Variants in DENND10 observed in about 807,000 individuals in gnomAD.
DENND10 encodes the protein DENN domain containing 10, also known as DENN domain-containing protein 10.
A neutral mutation model predicts 43.6 loss-of-function variants in DENND10; 24 were observed. That is an observed-to-expected ratio of 0.55 (90% confidence interval 0.40 to 0.77). The LOEUF (loss-of-function observed/expected upper bound fraction) is 0.77, where lower values mean the gene tolerates loss of function less well. Ranked by LOEUF, DENND10 falls within the 30% of genes least tolerant of loss-of-function variation. The pLI is 0.00. For missense variants in DENND10, 303 were observed against 429.9 expected, an observed-to-expected ratio of 0.70 and a Z score of 2.61; for synonymous variants, 125 against 157.6, an observed-to-expected ratio of 0.79 and a Z score of 1.55.
intron 3 of DENND10, chr10:119,114,289 C>CACAG (rs1488401893): frequency 6.6e-6 from 1 of 151,652 alleles, no homozygotes; most frequent in Non-Finnish European, 1.5e-5. Flanking sequence ...CACACACACA[C>CACAG]AGGTCTGTGT....
intron 6 of DENND10, among the ~76,000 whole-genome samples, chr10:119,129,011 T>C (rs77515008): frequency 6.1e-5 from 9 of 147,336 alleles, no homozygotes; most frequent in Admixed American, 6.1e-4. Flanking sequence ...CCTCAAATAA[T>C]TTTTTTTTTT....
At chr10:119,117,297 A>T (rs938158294) in intron 3 of DENND10, among the ~76,000 whole-genome samples, 2 of 151,742 alleles carry the variant, frequency 1.3e-5, no homozygotes, top group Non-Finnish European at 2.9e-5. Context: ...ACTTGAACCC[A>T]GGAGGTGGAG....
At position 119,137,418 on chromosome 10, in the gene DENND10, GGACTGA is replaced by G. The variant is rs1474522519; in HGVS notation, c.*772_*777del. The G allele has an allele frequency of 6.1e-6, 1 of 164,224 alleles. No individual in the cohort carries two copies. Among genetic ancestry groups the G allele is most frequent in the Non-Finnish European group, 1.5e-5 (1 of 67,680 alleles). 10.2% of individuals were successfully genotyped at this position (164,224 alleles called of 1,614,324 possible). ...AGCCCATTGAATATAAAAGTGTGTA[GGACTGA>G]AACAGTGACCTTATATTATTGCTAA... On this transcript the variant is annotated 3_prime_UTR_variant, in exon 9 of 9. Coordinates refer to ENST00000361432, the MANE Select transcript of DENND10 (RefSeq NM_207009.4).
intron 7 of DENND10, among the ~76,000 whole-genome samples, chr10:119,131,696 A>G (rs558082203): frequency 1.3e-5 from 2 of 152,250 alleles, no homozygotes; most frequent in East Asian, 1.9e-4. Flanking sequence ...TAATAGAACC[A>G]TAACTGGCTT....
intron 8 of DENND10, chr10:119,134,262 C>T (rs1299446948): frequency 6.6e-6 from 1 of 152,098 alleles, no homozygotes; most frequent in Non-Finnish European, 1.5e-5. Flanking sequence ...TGATCTTGAA[C>T]TCCTGACCTC....
At chr10:119,128,717 G>A (rs1363631917) in intron 6 of DENND10, among the ~76,000 whole-genome samples, 2 of 152,258 alleles carry the variant, frequency 1.3e-5, no homozygotes, top group East Asian at 3.9e-4. Flanking sequence ...TTCTGTGGAG[G>A]CCTCAGGAAA....
At chr10:119,126,901 T>C (rs1845861839) in intron 6 of DENND10, among the ~76,000 whole-genome samples, 1 of 151,188 alleles carries the variant, frequency 6.6e-6, no homozygotes, top group South Asian at 2.1e-4. Context: ...CTTTTTCTTT[T>C]CTTTTTTTTT....
At chr10:119,125,059 C>T (rs1845763243) in intron 6 of DENND10, among the ~76,000 whole-genome samples, 1 of 152,002 alleles carries the variant, frequency 6.6e-6, no homozygotes, top group South Asian at 2.1e-4. Flanking sequence ...GCAACCTCTG[C>T]CTCCTAGGTT....
rs771395092 is a variant in DENND10 at position 119,104,152 on chromosome 10, G to A, written c.10G>A (p.Ala4Thr). 1.3e-6 allele frequency: 2 copies of A among 1,517,222 alleles called. No individual in the cohort carries two copies. The highest frequency in any genetic ancestry group is 8.8e-7 in the Non-Finnish European group (1 of 1,133,956). The allele number at this position is 1,517,222 out of a possible 1,614,324, so 94.0% of individuals were successfully genotyped here. A position where few individuals can be genotyped will look rare whatever the true frequency, so the allele number is the denominator to read the frequency against. Residue 4 changes from alanine to threonine, a missense_variant, in exon 1 of 9, where the codon GCC (alanine) becomes ACC (threonine). By Grantham distance (58) the Ala-to-Thr change is moderately conservative. Transcript: ENST00000361432. ...GCCGCGGCGGCGGAAGATGGCTGCG[G>A]CCGAGGTGGCGGACACTCAGCTGAT... MAAAEVADTQLMLG... is the reference protein window; with the variant it reads MAATEVADTQLMLG...
rs759256400 is a variant in DENND10, at chr10:119,129,565, T to C, written c.745T>C (p.Tyr249His). ...DLEVSNRPDL[Y>H]DVFVNLAESE... ...GGAGGTGAGCAACAGACCAGACCTC[T>C]ATGATGTGTTTGTGAATCTGGCAGA... Residue 249 changes from tyrosine to histidine, a missense_variant, in exon 7 of 9, where the codon TAT becomes CAT. Physicochemically the swap from Tyr to His is moderately conservative, Grantham distance 83 (BLOSUM62 2). Transcript: ENST00000361432. The C allele has an allele frequency of 6.2e-7, 1 of 1,614,010 alleles. No individual in the cohort carries two copies. The highest frequency in any genetic ancestry group is 8.5e-7 in the Non-Finnish European group (1 of 1,179,846).
rs1846142245 is a variant in DENND10, at chr10:119,132,772, G to A, written c.897+163G>A. The A allele has an allele frequency of 1.5e-6, 1 of 650,308 alleles. No homozygotes were observed. The highest frequency in any genetic ancestry group is 2.8e-6 in the Non-Finnish European group (1 of 361,676). 40.3% of individuals were successfully genotyped at this position (650,308 alleles called of 1,614,324 possible). On this transcript the variant is annotated intron_variant, in intron 8 of 8. Transcript: ENST00000361432. The surrounding 1 kb of genome is among the most constrained non-coding windows in gnomAD (Gnocchi z 4.2). Reference sequence around the variant, plus strand: ...CGGCCACAGTGATGATGGACAAGCAGGTGCAGGCTGGCCTGATCTAGTTAG... The same window carrying A: ...CGGCCACAGTGATGATGGACAAGCAAGTGCAGGCTGGCCTGATCTAGTTAG...
chr10:119,124,371 CA>C (rs1175412178), intron 6 of DENND10, among the ~76,000 whole-genome samples: 6,634 of 104,792 alleles, frequency 0.063, 519 homozygotes, highest in African/African-American at 0.2. Context: ...ACTAAAATAC[CA>C]AAAAAAAAAA....
In DENND10 at chr10:119,132,690, C is replaced by A; in HGVS notation, c.897+81C>A. The A allele has an allele frequency of 1.7e-6, 2 of 1,151,754 alleles. No homozygotes were observed. The highest frequency in any genetic ancestry group is 2.6e-6 in the Non-Finnish European group (2 of 759,370). 71.3% of individuals were successfully genotyped at this position (1,151,754 alleles called of 1,614,324 possible). A position where few individuals can be genotyped will look rare whatever the true frequency, so the allele number is the denominator to read the frequency against. ...TGTGCGGCAGAGCTGTGCACATAAG[C>A]AGAGTGGGGGGCTGTGGTAGAGGCC... On this transcript the variant is annotated intron_variant, in intron 8 of 8. Transcript: ENST00000361432. This position sits in a 1 kb window ranked among gnomAD's most constrained non-coding sequence, Gnocchi z 4.2.
intron 1 of DENND10, 65 bp downstream of exon 1, chr10:119,104,262 C>CG: frequency 7.1e-7 from 1 of 1,407,476 alleles, no homozygotes; most frequent in Non-Finnish European, 9.4e-7. Context: ...CACCTCGGCC[C>CG]GGGGCAGCCC....
intron 5 of DENND10, among the ~76,000 whole-genome samples, chr10:119,121,024 AG>A (rs1845549715): frequency 6.6e-6 from 1 of 152,070 alleles, no homozygotes; most frequent in South Asian, 2.1e-4. Context: ...TGTGTTGCCC[AG>A]GGTGGTCTCA....
At chr10:119,131,544 C>T (rs759070551) in intron 7 of DENND10, among the ~76,000 whole-genome samples, 1 of 152,200 alleles carries the variant, frequency 6.6e-6, no homozygotes, top group African/African-American at 2.4e-5. Context: ...GAGCACTACT[C>T]AGGTAGTGGT....
intron 5 of DENND10, 39 bp downstream of exon 5, chr10:119,120,491 GCAGA>G (rs2133493344): frequency 2.3e-6 from 3 of 1,297,400 alleles, no homozygotes; most frequent in Non-Finnish European, 2.2e-6. Context: ...AACTTTGTTG[GCAGA>G]CAGTTCGCAG....
At chr10:119,104,316 G>GCC (rs2133444863) in intron 1 of DENND10, 119 bp downstream of exon 1, 1 of 941,984 alleles carries the variant, frequency 1.1e-6, no homozygotes, top group Non-Finnish European at 1.5e-6. Context: ...GGAGGGCGCG[G>GCC]CCCCCTCCCT....
chr10:119,129,248 C>T (rs1845971775), intron 6 of DENND10, among the ~76,000 whole-genome samples: 1 of 152,120 alleles, frequency 6.6e-6, no homozygotes, highest in Admixed American at 6.5e-5. Context: ...CATTCTTGAC[C>T]CCAAGAGCAA....
Sources: gnomAD v4.1 joint callset for allele counts (sites outside exome capture counted in the v4.1 genomes callset) on GRCh38, gnomAD v4.1.1 for gene constraint, Gnocchi (gnomAD v3.1) non-coding constraint, MANE v1.5 for transcripts, NCBI Gene and HGNC (gene_info 2026-07-23, HGNC 2026-07-21) for gene names.